DLC1: variants seen among roughly 807,000 people sequenced by gnomAD.
DLC1 encodes the protein DLC1 Rho GTPase activating protein.
Under a neutral mutation model 140.3 loss-of-function variants are expected in DLC1, and 54 were observed. The ratio of observed to expected loss-of-function variants is 0.38; its 90% CI spans 0.31 to 0.48. The LOEUF (loss-of-function observed/expected upper bound fraction) is 0.48, where lower values mean the gene tolerates loss of function less well. DLC1 is among the 20% of genes least tolerant of loss of function. The pLI, the probability that DLC1 is intolerant of heterozygous loss-of-function variation, is 0.96. For synonymous variants in DLC1, 986 were observed against 728.1 expected (o/e 1.35, Z -5.70); for missense variants, 2,536 against 1,907.0 (o/e 1.33, Z -6.14).
At chr8:13,298,448 C>G (rs1403758792) in intron 5 of DLC1, among the ~76,000 whole-genome samples, 1 of 152,128 alleles carries the variant, frequency 6.6e-6, no homozygotes, top group Non-Finnish European at 1.5e-5. Flanking sequence ...AGATTATAGC[C>G]AGAGCATTTT....
intron 1 of DLC1, among the ~76,000 whole-genome samples, chr8:13,580,006 G>T (rs1261140168): frequency 3.9e-5 from 6 of 152,130 alleles, no homozygotes; most frequent in African/African-American, 1.4e-4. Context: ...AGGCACATGA[G>T]TTAATCTCAG....
intron 5 of DLC1, among the ~76,000 whole-genome samples, chr8:13,279,569 A>G (rs1365801093): frequency 2.6e-5 from 4 of 152,212 alleles, no homozygotes; most frequent in Non-Finnish European, 5.9e-5. Context: ...CTTTAATTAT[A>G]GGTTTTACCA....
At chr8:13,328,744 G>A (rs1246917886) in intron 4 of DLC1, among the ~76,000 whole-genome samples, 6 of 152,236 alleles carry the variant, frequency 3.9e-5, no homozygotes, top group South Asian at 4.2e-4. Flanking sequence ...AATTCAGGAG[G>A]AGCCCGCAGA....
intron 5 of DLC1, among the ~76,000 whole-genome samples, chr8:13,135,626 G>A (rs1822513682): frequency 6.6e-6 from 1 of 152,148 alleles, no homozygotes; most frequent in South Asian, 2.1e-4. Flanking sequence ...TAAAAATTCA[G>A]ACTTTAAAAA....
chr8:13,165,148 T>C (rs1825018880), intron 5 of DLC1, among the ~76,000 whole-genome samples: 1 of 152,224 alleles, frequency 6.6e-6, no homozygotes, highest in Non-Finnish European at 1.5e-5. Flanking sequence ...CCTTTTAGTA[T>C]AACTGTGTCC....
At chr8:13,428,179 G>T (rs1318840596) in intron 2 of DLC1, among the ~76,000 whole-genome samples, 1 of 152,124 alleles carries the variant, frequency 6.6e-6, no homozygotes, top group African/African-American at 2.4e-5. Flanking sequence ...GAGAACAGAG[G>T]AATGGGAGGT....
intron 5 of DLC1, among the ~76,000 whole-genome samples, chr8:13,262,563 G>C (rs769755343): frequency 3.3e-5 from 5 of 152,056 alleles, no homozygotes; most frequent in Non-Finnish European, 7.4e-5. Flanking sequence ...TTTATCTTTT[G>C]TTTATTTTTA....
chr8:13,247,240 C>T (rs1259155547), intron 5 of DLC1, among the ~76,000 whole-genome samples: 3 of 152,202 alleles, frequency 2.0e-5, no homozygotes, highest in Non-Finnish European at 4.4e-5. Flanking sequence ...AAACTTCAGA[C>T]ACTGCCAGAC....
chr8:13,284,727 T>G (rs891981793), intron 5 of DLC1, among the ~76,000 whole-genome samples: 5 of 151,948 alleles, frequency 3.3e-5, no homozygotes, highest in African/African-American at 1.2e-4. Context: ...AAATCAATTG[T>G]ATTTTCACAT....
chr8:13,173,258 G>A (rs191046612), intron 5 of DLC1, among the ~76,000 whole-genome samples: 1 of 152,198 alleles, frequency 6.6e-6, no homozygotes, highest in African/African-American at 2.4e-5. Flanking sequence ...AGCTCGCGTG[G>A]GGTGGGAATT....
chr8:13,334,086 G>C (rs1005075127), intron 4 of DLC1, among the ~76,000 whole-genome samples: 11 of 152,214 alleles, frequency 7.2e-5, no homozygotes, highest in Middle Eastern at 3.4e-3. Flanking sequence ...GGAGAGCGAG[G>C]GATGCTTGGA....
chr8:13,404,053 G>A (rs1378923419), intron 2 of DLC1, among the ~76,000 whole-genome samples: 1 of 151,772 alleles, frequency 6.6e-6, no homozygotes, highest in Non-Finnish European at 1.5e-5. Flanking sequence ...TCTAGTTTTG[G>A]TCTTGTTATG....
intron 5 of DLC1, among the ~76,000 whole-genome samples, chr8:13,281,375 C>T (rs1003826915): frequency 3.3e-5 from 5 of 152,148 alleles, no homozygotes; most frequent in African/African-American, 1.2e-4. Context: ...GACCAAAAAA[C>T]TACAATGATG....
At chr8:13,585,869 A>G (rs778544405) in intron 1 of DLC1, among the ~76,000 whole-genome samples, 1 of 152,206 alleles carries the variant, frequency 6.6e-6, no homozygotes, top group Non-Finnish European at 1.5e-5. Flanking sequence ...GTCTCCAAAT[A>G]CAGTCACATT....
At chr8:13,470,197 A>C (rs995743385) in intron 2 of DLC1, among the ~76,000 whole-genome samples, 2 of 152,240 alleles carry the variant, frequency 1.3e-5, no homozygotes, top group Non-Finnish European at 2.9e-5. Context: ...TGACTACATA[A>C]GTTAAAAGTA....
intron 5 of DLC1, among the ~76,000 whole-genome samples, chr8:13,151,376 G>A (rs10283390): frequency 0.18 from 27,850 of 152,036 alleles, 2,693 homozygotes; most frequent in Non-Finnish European, 0.21. Flanking sequence ...TAATATCACC[G>A]TTTTATGGAT....
intron 5 of DLC1, chr8:13,116,265 G>T: frequency 1.0e-6 from 1 of 978,970 alleles, no homozygotes; most frequent in Non-Finnish European, 1.2e-6. Context: ...ATCTTGGCAG[G>T]CAGAAATGGC....
rs1197139776 is a variant in DLC1, at chr8:13,403,816, T to TG, written c.1024-2198_1024-2197insC. 5.2e-3 allele frequency among the ~76,000 whole-genome samples: 775 copies of TG among 148,872 alleles called. 8 individuals carry two copies. Among genetic ancestry groups the TG allele is most frequent in the African/African-American group, 0.018 (724 of 40,510 alleles). On this transcript the variant is annotated intron_variant, in intron 2 of 17. Coordinates refer to ENST00000276297, the MANE Select transcript of DLC1 (RefSeq NM_182643.3). ...ACCACCAGGTCTGGCTGTTTTTTTT[T>TG]TTTTTTTTTTTTTGGTATTTTTTGT...
intron 2 of DLC1, among the ~76,000 whole-genome samples, chr8:13,484,575 G>T (rs905565934): frequency 6.6e-6 from 1 of 152,056 alleles, no homozygotes; most frequent in African/African-American, 2.4e-5. Flanking sequence ...GGATGGAACC[G>T]AACACGAGTG....
Sources: allele counts gnomAD v4.1 joint callset (sites outside exome capture counted in the v4.1 genomes callset), GRCh38; gene constraint gnomAD v4.1.1; transcripts MANE v1.5; gene names NCBI Gene and HGNC (gene_info 2026-07-23, HGNC 2026-07-21).